The following UBE3A variants were observed in gnomAD, a reference collection of about 807,000 sequenced individuals.
UBE3A encodes ubiquitin-protein ligase E3A.
In UBE3A, 6 loss-of-function variants were observed where a neutral mutation model predicts 83.4. The ratio of observed to expected loss-of-function variants is 0.07; its 90% CI spans 0.04 to 0.14. The LOEUF (loss-of-function observed/expected upper bound fraction) is 0.14, where lower values mean the gene tolerates loss of function less well. Ranked by LOEUF, UBE3A falls within the 10% of genes least tolerant of loss-of-function variation. The probability of loss-of-function intolerance (pLI) is 1.00; values close to 1 mark genes in which losing one functional copy is unlikely to be tolerated. For missense variants in UBE3A, 456 were observed against 1,036.1 expected, an observed-to-expected ratio of 0.44 and a Z score of 7.69; for synonymous variants, 337 against 355.4, an observed-to-expected ratio of 0.95 and a Z score of 0.58.
At chr15:25,380,044 T>C (rs1256916323) in intron 4 of UBE3A, among the ~76,000 whole-genome samples, 1 of 152,140 alleles carries the variant, frequency 6.6e-6, no homozygotes, top group African/African-American at 2.4e-5. Context: ...GGAGATAATC[T>C]GAATCATGGG....
chr15:25,379,273 T>A (rs2081757932), intron 4 of UBE3A, among the ~76,000 whole-genome samples: 1 of 152,226 alleles, frequency 6.6e-6, no homozygotes, highest in Admixed American at 6.5e-5. Flanking sequence ...ATTGTTACTA[T>A]CACCCTCACA....
chr15:25,346,610 A>G (rs778865388), intron 11 of UBE3A: 26 of 152,212 alleles, frequency 1.7e-4, no homozygotes, highest in Non-Finnish European at 3.1e-4. Flanking sequence ...CAGAGAAATG[A>G]TTTGACAAGC....
At chr15:25,437,218 T>A (rs185661437) in intron 1 of UBE3A, among the ~76,000 whole-genome samples, 2 of 152,328 alleles carry the variant, frequency 1.3e-5, no homozygotes, top group East Asian at 3.9e-4. Context: ...CAGGATCTAA[T>A]TTCAAAGCTA....
At chr15:25,391,129 T>C (rs1453258097) in intron 4 of UBE3A, among the ~76,000 whole-genome samples, 2 of 152,142 alleles carry the variant, frequency 1.3e-5, no homozygotes, top group Admixed American at 6.5e-5. Flanking sequence ...AAAGAAAATG[T>C]GGTATACATA....
chr15:25,405,124 CAT>C (rs1426786864), intron 4 of UBE3A, among the ~76,000 whole-genome samples: 1 of 152,062 alleles, frequency 6.6e-6, no homozygotes, highest in African/African-American at 2.4e-5. Flanking sequence ...GTATCTATAA[CAT>C]AGTACTTGAT....
chr15:25,369,763 CT>C (rs2079991923), intron 6 of UBE3A, among the ~76,000 whole-genome samples: 1 of 152,074 alleles, frequency 6.6e-6, no homozygotes, highest in Non-Finnish European at 1.5e-5. Context: ...TCTGGCCACT[CT>C]TATATTCTTA....
chr15:25,359,414 GATGCGTGTGTGTGTGT>G (rs975465664), intron 7 of UBE3A, among the ~76,000 whole-genome samples: 3 of 120,068 alleles, frequency 2.5e-5, no homozygotes, highest in Non-Finnish European at 5.2e-5. Context: ...ATAGATAAGG[GATGCGTGTGTGTGTGT>G]GTGTGTGTGT....
At chr15:25,402,558 G>A (rs2087417040) in intron 4 of UBE3A, among the ~76,000 whole-genome samples, 1 of 152,150 alleles carries the variant, frequency 6.6e-6, no homozygotes, top group Admixed American at 6.5e-5. Flanking sequence ...TGCTGGGGTG[G>A]GCCTCCAAGC....
chr15:25,372,402 T>G (rs2080443427), intron 5 of UBE3A, among the ~76,000 whole-genome samples: 1 of 152,240 alleles, frequency 6.6e-6, no homozygotes, highest in East Asian at 1.9e-4. Flanking sequence ...CATCGGCTCT[T>G]AAGTAGAAAC....
intron 3 of UBE3A, chr15:25,406,941 C>A: frequency 2.5e-6 from 1 of 407,080 alleles, no homozygotes; most frequent in Non-Finnish European, 3.6e-6. Flanking sequence ...CAATTTTGCA[C>A]AAAATTACAT....
At chr15:25,383,397 A>G (rs2082545065) in intron 4 of UBE3A, among the ~76,000 whole-genome samples, 2 of 152,074 alleles carry the variant, frequency 1.3e-5, no homozygotes, top group Non-Finnish European at 2.9e-5. Flanking sequence ...AGCACTTTAG[A>G]AGGGCAAGGT....
intron 2 of UBE3A, among the ~76,000 whole-genome samples, chr15:25,410,614 C>T (rs759943334): frequency 1.3e-5 from 2 of 152,086 alleles, no homozygotes; most frequent in Non-Finnish European, 2.9e-5. Context: ...AAGGTATCTG[C>T]GAATACCAAC....
In UBE3A at chr15:25,338,758, T is replaced by A. The variant is rs2074224684; in HGVS notation, c.*379A>T. ...AGTAGTTCTGTTGGTATATATTTTT[T>A]AAATACTCAAAAGGCTCAACCTCAA... On this transcript the variant is annotated 3_prime_UTR_variant, in exon 13 of 13. Coordinates refer to ENST00000648336, the MANE Select transcript of UBE3A (RefSeq NM_130839.5). 1 of 152,944 alleles carries A rather than the reference T, an allele frequency of 6.5e-6. No individual in the cohort carries two copies. Among genetic ancestry groups the A allele is most frequent in the Non-Finnish European group, 1.5e-5 (1 of 68,680 alleles). The allele number at this position is 152,944 out of a possible 1,614,324, so 9.5% of individuals were successfully genotyped here. A position where few individuals can be genotyped will look rare whatever the true frequency, so the allele number is the denominator to read the frequency against.
At chr15:25,431,191 A>G (rs1893345439) in intron 1 of UBE3A, among the ~76,000 whole-genome samples, 1 of 152,158 alleles carries the variant, frequency 6.6e-6, no homozygotes, top group Admixed American at 6.5e-5. Flanking sequence ...GTAACTTCCT[A>G]TTCTCCCACT....
Position 25,371,262 on chromosome 15 carries a change from T to C in UBE3A, c.912A>G (p.Pro304=), listed in dbSNP as rs756203040. 16 of 1,614,202 alleles carry C rather than the reference T, an allele frequency of 9.9e-6. No individual in the cohort carries two copies. Among genetic ancestry groups the C allele is most frequent in the East Asian group, 2.2e-5 (1 of 44,886 alleles). ...GCTTGCTCATCGCTTTGCAAAATAATGGCAAAGCCATTTCCAGATATTCAG... is the reference window on the plus strand; with the variant it reads ...GCTTGCTCATCGCTTTGCAAAATAACGGCAAAGCCATTTCCAGATATTCAG... ...HSPEYLEMAL[P]LFCKAMSKLP... is the part of the protein sequence containing the mutation. The change falls in exon 6 of 13, where the codon CCA becomes CCG. Residue 304 remains proline, a synonymous_variant. Transcript: ENST00000648336. The surrounding 1 kb of genome is among the most constrained non-coding windows in gnomAD (Gnocchi z 5.3).
chr15:25,388,899 C>G (rs1039773843), intron 4 of UBE3A, among the ~76,000 whole-genome samples: 6 of 152,090 alleles, frequency 3.9e-5, no homozygotes, highest in Admixed American at 6.6e-5. Context: ...TATTTAAGTA[C>G]AGATCTAACA....
intron 7 of UBE3A, among the ~76,000 whole-genome samples, chr15:25,359,660 G>C (rs749861843): frequency 6.6e-6 from 1 of 152,042 alleles, no homozygotes; most frequent in Non-Finnish European, 1.5e-5. Context: ...TTACTAAGTG[G>C]TTATATTTAC....
chr15:25,353,253 C>T (rs977092540), intron 11 of UBE3A, among the ~76,000 whole-genome samples: 2 of 152,136 alleles, frequency 1.3e-5, no homozygotes, highest in South Asian at 2.1e-4. Flanking sequence ...ACCAACGGTG[C>T]ACCAGAAAGA....
At chr15:25,399,330 G>A (rs980469281) in intron 4 of UBE3A, among the ~76,000 whole-genome samples, 2 of 152,044 alleles carry the variant, frequency 1.3e-5, no homozygotes, top group Non-Finnish European at 2.9e-5. Context: ...TAGTTCTACA[G>A]TTTCAGGTCT....
Sources: gnomAD v4.1 joint callset for allele counts (sites outside exome capture counted in the v4.1 genomes callset) on GRCh38, gnomAD v4.1.1 for gene constraint, Gnocchi (gnomAD v3.1) non-coding constraint, MANE v1.5 for transcripts, NCBI Gene and HGNC (gene_info 2026-07-23, HGNC 2026-07-21) for gene names.